The following GATB variants were observed in gnomAD, a reference collection of about 807,000 sequenced individuals.
The protein encoded by GATB is glutamyl-tRNA(Gln) amidotransferase subunit B, mitochondrial.
A neutral mutation model predicts 62.3 loss-of-function variants in GATB; 39 were observed. The observed-to-expected ratio is 0.63, with a 90% confidence interval of 0.48 to 0.82. GATB has a LOEUF of 0.82. Ranked by LOEUF, GATB falls within the 40% of genes least tolerant of loss-of-function variation. The probability of loss-of-function intolerance (pLI) is 0.00; values close to 1 mark genes in which losing one functional copy is unlikely to be tolerated. For missense variants in GATB, 670 were observed against 684.0 expected (o/e 0.98, Z 0.23); for synonymous variants, 276 against 258.9 (o/e 1.07, Z -0.63).
chr4:151,754,130 C>T (rs1403943087), intron 2 of GATB, among the ~76,000 whole-genome samples: 1 of 152,038 alleles, frequency 6.6e-6, no homozygotes, highest in Non-Finnish European at 1.5e-5. Flanking sequence ...ACTCTCCTTA[C>T]GTCTTCTTAC....
At chr4:151,673,172 C>T in intron 11 of GATB, 1 of 338,434 alleles carries the variant, frequency 3.0e-6, no homozygotes, top group Non-Finnish European at 5.5e-6. Flanking sequence ...TCTCCCTCAG[C>T]ATAAGGTGTG....
chr4:151,743,284 A>G (rs1248931131), intron 2 of GATB, among the ~76,000 whole-genome samples: 2 of 152,170 alleles, frequency 1.3e-5, no homozygotes, highest in African/African-American at 4.8e-5. Context: ...ATTGGAGGCT[A>G]ATTAGGTGAG....
chr4:151,670,915 T>G lies in GATB; in HGVS notation c.*259A>C, dbSNP rs1455135790. The stretch of plus-strand genomic sequence containing the variant: ...CTTAATACAAGAAGGTGTTACTCCT[T>G]AACCACTGCTGCAGCCTCACCGGAC... On this transcript the variant is annotated 3_prime_UTR_variant, in exon 13 of 13. Coordinates refer to ENST00000263985, the MANE Select transcript of GATB (RefSeq NM_004564.3). 7.0e-6 allele frequency: 3 copies of G among 430,106 alleles called. No homozygotes were observed. The highest frequency in any genetic ancestry group is 1.2e-5 in the Non-Finnish European group (3 of 240,062). 26.6% of individuals were successfully genotyped at this position (430,106 alleles called of 1,614,324 possible). A position where few individuals can be genotyped will look rare whatever the true frequency, so the allele number is the denominator to read the frequency against.
intron 12 of GATB, 108 bp downstream of exon 12, chr4:151,672,654 T>C: frequency 2.6e-6 from 3 of 1,163,878 alleles, no homozygotes; most frequent in African/African-American, 3.1e-5. Context: ...TGAAACTGGG[T>C]CAGCCATTCT....
chr4:151,688,480 T>G, intron 10 of GATB, 150 bp downstream of exon 10: 1 of 707,402 alleles, frequency 1.4e-6, no homozygotes, highest in South Asian at 2.0e-5. Context: ...GAGAACATAT[T>G]TAGAATGTGG....
At chr4:151,723,470 T>A (rs1339246144) in intron 2 of GATB, 1 of 152,206 alleles carries the variant, frequency 6.6e-6, no homozygotes, top group Admixed American at 6.5e-5. Context: ...CAGCAGGCCA[T>A]AACTCCAGAG....
intron 10 of GATB, among the ~76,000 whole-genome samples, chr4:151,686,509 C>T (rs961286831): frequency 7.2e-5 from 11 of 152,040 alleles, no homozygotes; most frequent in Admixed American, 1.3e-4. Context: ...CCCCCTGCCC[C>T]GGGACCTTGC....
chr4:151,733,700 T>A (rs1433871361), intron 2 of GATB, among the ~76,000 whole-genome samples: 1 of 152,130 alleles, frequency 6.6e-6, no homozygotes, highest in Non-Finnish European at 1.5e-5. Context: ...CTAAAATCCT[T>A]ACAAAATACT....
intron 2 of GATB, among the ~76,000 whole-genome samples, chr4:151,735,247 AAAAC>A (rs1560861507): frequency 6.6e-6 from 1 of 151,816 alleles, no homozygotes; most frequent in Non-Finnish European, 1.5e-5. Context: ...AAAAAAAAAA[AAAAC>A]AAACAATCCC....
intron 12 of GATB, chr4:151,672,526 A>T: frequency 1.9e-6 from 1 of 513,012 alleles, no homozygotes; most frequent in Non-Finnish European, 3.5e-6. Flanking sequence ...ACCTCCATGG[A>T]GAGTAAACTC....
intron 2 of GATB, among the ~76,000 whole-genome samples, chr4:151,743,632 T>C (rs1739540923): frequency 6.6e-6 from 1 of 152,200 alleles, no homozygotes. Flanking sequence ...AAACTTTGGT[T>C]CTAATCTGAA....
chr4:151,758,857 A>G lies in GATB; in HGVS notation c.242T>C (p.Leu81Pro). Residue 81 changes from leucine (L) to proline (P), a missense_variant, in exon 2 of 13, where the codon CTC becomes CCC. Transcript: ENST00000263985. ...AAAGCGAACTTGAGATCCAGAGAAGAGTTTAGAGTTGGAGGAAATCTGGGC... is the reference window on the plus strand; with the variant it reads ...AAAGCGAACTTGAGATCCAGAGAAGGGTTTAGAGTTGGAGGAAATCTGGGC... ...IHAQISSNSKLFSGSQVRFSA... is the reference protein window; with the variant it reads ...IHAQISSNSKPFSGSQVRFSA... 6.2e-7 allele frequency: 1 copy of G among 1,611,666 alleles called. No homozygotes were observed. Among genetic ancestry groups the G allele is most frequent in the Non-Finnish European group, 8.5e-7 (1 of 1,178,642 alleles).
At chr4:151,758,514 A>G (rs1326313509) in intron 2 of GATB, among the ~76,000 whole-genome samples, 2 of 152,194 alleles carry the variant, frequency 1.3e-5, no homozygotes, top group African/African-American at 2.4e-5. Context: ...ACCCAGCTCA[A>G]AGCCCAATGT....
At chr4:151,742,425 G>C (rs767062291) in intron 2 of GATB, among the ~76,000 whole-genome samples, 22 of 152,240 alleles carry the variant, frequency 1.4e-4, no homozygotes, top group Non-Finnish European at 2.5e-4. Context: ...AAGGGGGCCA[G>C]AGAAAGGTTA....
At chr4:151,706,280 T>C (rs1738713537) in intron 6 of GATB, among the ~76,000 whole-genome samples, 1 of 152,356 alleles carries the variant, frequency 6.6e-6, no homozygotes, top group South Asian at 2.1e-4. Flanking sequence ...GATTTCTCCC[T>C]CAGACTGGTC....
intron 2 of GATB, among the ~76,000 whole-genome samples, chr4:151,753,655 C>T (rs990030945): frequency 6.6e-6 from 1 of 151,978 alleles, no homozygotes; most frequent in Non-Finnish European, 1.5e-5. Flanking sequence ...GGCTCCTTCT[C>T]ATCAGCATTT....
At chr4:151,673,850 C>T (rs1737938863) in intron 11 of GATB, 1 of 152,234 alleles carries the variant, frequency 6.6e-6, no homozygotes, top group Admixed American at 6.5e-5. Context: ...CCAACTTTCC[C>T]TGTTACCTTG....
At chr4:151,754,378 T>A (rs558456230) in intron 2 of GATB, among the ~76,000 whole-genome samples, 31 of 152,246 alleles carry the variant, frequency 2.0e-4, no homozygotes, top group Non-Finnish European at 3.8e-4. Flanking sequence ...ACTCTTCCTA[T>A]GTGCTCCTCA....
chr4:151,697,969 A>ATATATATATATATATGTG (rs1738518180), intron 9 of GATB, among the ~76,000 whole-genome samples: 1 of 102,484 alleles, frequency 9.8e-6, no homozygotes, highest in African/African-American at 5.0e-5. Flanking sequence ...ATATATATAT[A>ATATATATATATATATGTG]TATATATATA....
Sources: allele counts gnomAD v4.1 joint callset (sites outside exome capture counted in the v4.1 genomes callset), GRCh38; gene constraint gnomAD v4.1.1; transcripts MANE v1.5; gene names NCBI Gene and HGNC (gene_info 2026-07-23, HGNC 2026-07-21).